The following MGST1 variants were observed in gnomAD, a reference collection of about 807,000 sequenced individuals.
MGST1 encodes microsomal glutathione S-transferase 1.
MGST1 carries 5 observed loss-of-function variants against 8.9 expected under a neutral mutation model. The observed-to-expected ratio is 0.56, with a 90% CI of 0.29 to 1.19. The LOEUF (loss-of-function observed/expected upper bound fraction) is 1.19. Among genes scored for constraint, MGST1 ranks in the 50% most tolerant of loss-of-function variants. The probability of loss-of-function intolerance (pLI) is 0.08; values close to 1 mark genes in which losing one functional copy is unlikely to be tolerated. For synonymous variants in MGST1, 54 were observed against 67.8 expected (o/e 0.80, Z 1.00); for missense variants, 182 against 187.4 (o/e 0.97, Z 0.17).
intron 4 of MGST1, among the ~76,000 whole-genome samples, chr12:16,522,076 C>T (rs908851850): frequency 6.6e-6 from 1 of 152,080 alleles, no homozygotes; most frequent in African/African-American, 2.4e-5. Flanking sequence ...ACATGAGAGG[C>T]GCTTCATGCT....
intron 4 of MGST1, among the ~76,000 whole-genome samples, chr12:16,502,906 T>A (rs562694696): frequency 6.6e-6 from 1 of 152,308 alleles, no homozygotes; most frequent in East Asian, 1.9e-4. Context: ...CCACTTTCAA[T>A]CCTAGGCATA....
At chr12:16,535,824 C>T (rs1941753881) in intron 4 of MGST1, among the ~76,000 whole-genome samples, 1 of 152,010 alleles carries the variant, frequency 6.6e-6, no homozygotes, top group African/African-American at 2.4e-5. Context: ...AAAAGAAGAC[C>T]TTTGAGGAAA....
At chr12:16,440,571 T>C (rs1486986238), downstream of MGST1, among the ~76,000 whole-genome samples, 4 of 151,842 alleles carry the variant, frequency 2.6e-5, no homozygotes, top group African/African-American at 7.2e-5. Flanking sequence ...GTTACATGTA[T>C]CAGTAGTTCA....
In MGST1 at chr12:16,397,032, A is replaced by G. The variant is rs550830702; in HGVS notation, n.778+13428A>G. On this transcript the variant is annotated intron_variant and non_coding_transcript_variant, in intron 1 of 1. Transcript: ENST00000359720. Reference sequence around the variant, plus strand: ...ACATTACCTGATTTCAAACTATACTATAAGGCCATAGTCACCAAAACAGCA... The same window carrying G: ...ACATTACCTGATTTCAAACTATACTGTAAGGCCATAGTCACCAAAACAGCA... Among the ~76,000 whole-genome samples the G allele has an allele frequency of 2.0e-5, 3 of 152,302 alleles. No individual in the cohort carries two copies. The South Asian group carries it at 6.2e-4, about 32-fold the overall frequency.
At chr12:16,543,136 C>T (rs976854423) in intron 4 of MGST1, among the ~76,000 whole-genome samples, 1 of 152,180 alleles carries the variant, frequency 6.6e-6, no homozygotes. Flanking sequence ...CCTCACAGAA[C>T]ATGGCTGAGA....
intron 1 of MGST1, among the ~76,000 whole-genome samples, chr12:16,422,712 G>T (rs1217165833): frequency 2.6e-5 from 4 of 152,114 alleles, no homozygotes; most frequent in Non-Finnish European, 4.4e-5. Flanking sequence ...TCACTTTTAA[G>T]ATTTCCTACT....
intron 4 of MGST1, among the ~76,000 whole-genome samples, chr12:16,581,945 GATAAA>G (rs1431796385): frequency 1.3e-5 from 2 of 151,960 alleles, no homozygotes; most frequent in Non-Finnish European, 1.5e-5. Flanking sequence ...ATTTTCTGCA[GATAAA>G]ATAATTATCT....
intron 3 of MGST1, among the ~76,000 whole-genome samples, chr12:16,373,716 A>G (rs910935007): frequency 2.0e-5 from 3 of 152,106 alleles, no homozygotes; most frequent in African/African-American, 7.2e-5. Flanking sequence ...GAATTTAATC[A>G]AAGTGACTAA....
chr12:16,422,196 G>T (rs1940844075), intron 1 of MGST1, among the ~76,000 whole-genome samples: 1 of 152,128 alleles, frequency 6.6e-6, no homozygotes, highest in Non-Finnish European at 1.5e-5. Flanking sequence ...TGGGACATGT[G>T]CTCTCTTTCA....
chr12:16,390,467 G>C (rs1339338075), intron 1 of MGST1, among the ~76,000 whole-genome samples: 1 of 152,024 alleles, frequency 6.6e-6, no homozygotes, highest in African/African-American at 2.4e-5. Flanking sequence ...CCCTCAAGTA[G>C]GCCCCAGTGT....
chr12:16,351,851 G>C (rs1334939964), intron 1 of MGST1, among the ~76,000 whole-genome samples: 2 of 152,026 alleles, frequency 1.3e-5, no homozygotes, highest in African/African-American at 4.8e-5. Context: ...GGGTTACTTA[G>C]GTAGCTTTGA....
At chr12:16,541,432 T>A (rs1941792776) in intron 4 of MGST1, among the ~76,000 whole-genome samples, 1 of 152,210 alleles carries the variant, frequency 6.6e-6, no homozygotes, top group African/African-American at 2.4e-5. Context: ...TTTTGATCTG[T>A]CTGTAGTTCT....
At chr12:16,456,514 T>A (rs1941173847) in intron 4 of MGST1, among the ~76,000 whole-genome samples, 1 of 151,968 alleles carries the variant, frequency 6.6e-6, no homozygotes, top group Non-Finnish European at 1.5e-5. Flanking sequence ...GCTTAACTCA[T>A]GGACTGAATT....
chr12:16,471,478 G>A (rs568812772), intron 4 of MGST1, among the ~76,000 whole-genome samples: 2 of 152,158 alleles, frequency 1.3e-5, no homozygotes, highest in South Asian at 4.1e-4. Flanking sequence ...ATGATCTATG[G>A]TATTTCTATA....
At chr12:16,456,496 G>C (rs1233936848) in intron 4 of MGST1, among the ~76,000 whole-genome samples, 1 of 151,842 alleles carries the variant, frequency 6.6e-6, no homozygotes, top group African/African-American at 2.4e-5. Flanking sequence ...TACCCTCTCA[G>C]ACAATGGGCT....
At position 16,580,009 on chromosome 12, in the gene MGST1, T is replaced by C. The variant is rs536966621; in HGVS notation, n.483-9519T>C. On this transcript the variant is annotated intron_variant and non_coding_transcript_variant, in intron 4 of 4. Coordinates refer to the MGST1 transcript ENST00000538857. ...TGTAACTGTACAAAAGCAGGATCAG[T>C]TTATCATCTCATGATCAATTTAAGT... is the stretch of plus-strand genomic sequence containing the variant. Among the ~76,000 whole-genome samples the C allele has an allele frequency of 7.9e-5, 12 of 152,324 alleles. No homozygotes were observed. In the South Asian group the frequency reaches 2.3e-3, roughly 29 times the overall value.
At position 16,517,219 on chromosome 12, in the gene MGST1, G is replaced by A. The variant is rs929403300; in HGVS notation, n.483-72309G>A. On this transcript the variant is annotated intron_variant and non_coding_transcript_variant, in intron 4 of 4. Coordinates refer to the MGST1 transcript ENST00000538857. This position sits in a 1 kb window ranked among gnomAD's most constrained non-coding sequence, Gnocchi z 4.2. The stretch of plus-strand genomic sequence containing the variant: ...TCTAATGAAAGACTCTTAGAAGGCA[G>A]GTGCTATGATTTGAATGTGTCCCTC... Among the ~76,000 whole-genome samples the A allele has an allele frequency of 2.0e-5, 3 of 152,178 alleles. No homozygotes were observed. Among genetic ancestry groups the A allele is most frequent in the African/African-American group, 7.2e-5 (3 of 41,428 alleles).
At chr12:16,428,826 T>A (rs1324369451) in intron 1 of MGST1, among the ~76,000 whole-genome samples, 1 of 152,110 alleles carries the variant, frequency 6.6e-6, no homozygotes, top group Non-Finnish European at 1.5e-5. Flanking sequence ...TTGCTCCTAA[T>A]AATTTCTTAA....
chr12:16,552,401 G>C (rs1025119119), intron 4 of MGST1, among the ~76,000 whole-genome samples: 19 of 152,016 alleles, frequency 1.2e-4, no homozygotes, highest in Admixed American at 6.6e-4. Context: ...TTAGTGGATA[G>C]ATTAAATTGT....
Sources: gnomAD v4.1 joint callset for allele counts (sites outside exome capture counted in the v4.1 genomes callset) on GRCh38, gnomAD v4.1.1 for gene constraint, Gnocchi (gnomAD v3.1) non-coding constraint, MANE v1.5 for transcripts, NCBI Gene and HGNC (gene_info 2026-07-23, HGNC 2026-07-21) for gene names.